The following RAB3GAP2 variants were observed in gnomAD, a reference collection of about 807,000 sequenced individuals.
RAB3GAP2 encodes the protein RAB3 GTPase activating non-catalytic protein subunit 2.
Under a neutral mutation model 185.3 loss-of-function variants are expected in RAB3GAP2, and 87 were observed. The observed-to-expected ratio is 0.47, with a 90% confidence interval of 0.39 to 0.56. The LOEUF is 0.56. RAB3GAP2 is among the 20% of genes least tolerant of loss of function. RAB3GAP2 has a pLI of 0.00. For missense variants in RAB3GAP2, 1,492 were observed against 1,638.2 expected, an observed-to-expected ratio of 0.91 and a Z score of 1.54; for synonymous variants, 554 against 576.1, an observed-to-expected ratio of 0.96 and a Z score of 0.55.
In RAB3GAP2 at chr1:220,149,544, C is replaced by G. The variant is rs569632612; in HGVS notation, c.*1707G>C. On this transcript the variant is annotated 3_prime_UTR_variant, in exon 35 of 35. Transcript: ENST00000358951. ...TGGAAAAATCACAGGAAGAACTAATCTCTTAGAAAACATATAACAAGTGAC... is the reference window on the plus strand; with the variant it reads ...TGGAAAAATCACAGGAAGAACTAATGTCTTAGAAAACATATAACAAGTGAC... 6.6e-6 allele frequency: 1 copy of G among 150,522 alleles called. No homozygotes were observed. Among genetic ancestry groups the G allele is most frequent in the South Asian group, 2.1e-4 (1 of 4,752 alleles). 9.3% of individuals were successfully genotyped at this position (150,522 alleles called of 1,614,324 possible).
chr1:220,151,092 G>T lies in RAB3GAP2; in HGVS notation c.*159C>A. The T allele has an allele frequency of 1.5e-6, 1 of 684,192 alleles. No individual in the cohort carries two copies. Among genetic ancestry groups the T allele is most frequent in the Non-Finnish European group, 2.4e-6 (1 of 416,146 alleles). 42.4% of individuals were successfully genotyped at this position (684,192 alleles called of 1,614,324 possible). A position where few individuals can be genotyped will look rare whatever the true frequency, so the allele number is the denominator to read the frequency against. On this transcript the variant is annotated 3_prime_UTR_variant, in exon 35 of 35. Coordinates refer to ENST00000358951, the MANE Select transcript of RAB3GAP2 (RefSeq NM_012414.4). ...AACCAAAGGAGTGGAATTTAGCCAG[G>T]GTTGCACTTTTTAAAAGTTGTATAT... is the stretch of plus-strand genomic sequence containing the variant.
chr1:220,175,332 C>T (rs1658266792), intron 21 of RAB3GAP2, among the ~76,000 whole-genome samples: 1 of 151,980 alleles, frequency 6.6e-6, no homozygotes, highest in African/African-American at 2.4e-5. Flanking sequence ...GTTCAAAGTG[C>T]CTCAGCCTCT....
chr1:220,212,247 A>G (rs529697624), intron 4 of RAB3GAP2, among the ~76,000 whole-genome samples: 1 of 152,224 alleles, frequency 6.6e-6, no homozygotes, highest in African/African-American at 2.4e-5. Flanking sequence ...CAGAGAAGAC[A>G]ATGATTGCCC....
At chr1:220,232,644 T>C (rs943254708) in intron 2 of RAB3GAP2, among the ~76,000 whole-genome samples, 155 bp downstream of exon 2, 1 of 152,230 alleles carries the variant, frequency 6.6e-6, no homozygotes, top group Non-Finnish European at 1.5e-5. Flanking sequence ...ATTAAGTTCC[T>C]TAAGAAGAGG....
At chr1:220,159,493 T>C in intron 28 of RAB3GAP2, 72 bp from the exon 29 acceptor site, 2 of 1,173,000 alleles carry the variant, frequency 1.7e-6, no homozygotes, top group South Asian at 1.4e-5. Context: ...GCACAAATAA[T>C]AAAAAGTAAC....
intron 19 of RAB3GAP2, among the ~76,000 whole-genome samples, chr1:220,183,546 C>T (rs1658453198): frequency 6.6e-6 from 1 of 151,962 alleles, no homozygotes; most frequent in Non-Finnish European, 1.5e-5. Context: ...AGCCACTATG[C>T]CTTGGCAAAT....
At chr1:220,248,131 A>C (rs1377770389) in intron 1 of RAB3GAP2, among the ~76,000 whole-genome samples, 1 of 152,158 alleles carries the variant, frequency 6.6e-6, no homozygotes, top group Non-Finnish European at 1.5e-5. Flanking sequence ...AAAGATGCAA[A>C]AAAAATGAAT....
At chr1:220,186,025 C>A (rs1384372000) in intron 17 of RAB3GAP2, among the ~76,000 whole-genome samples, 3 of 152,024 alleles carry the variant, frequency 2.0e-5, no homozygotes, top group Non-Finnish European at 4.4e-5. Context: ...AAAACAGAAA[C>A]AAAGATAAAG....
intron 31 of RAB3GAP2, among the ~76,000 whole-genome samples, chr1:220,156,593 G>A (rs149151072): frequency 5.5e-4 from 84 of 152,278 alleles, no homozygotes; most frequent in African/African-American, 2.0e-3. Context: ...CATGGGACTG[G>A]AGAGAGAGAA....
At chr1:220,176,906 C>CT (rs1281414079) in intron 21 of RAB3GAP2, among the ~76,000 whole-genome samples, 10 of 152,204 alleles carry the variant, frequency 6.6e-5, no homozygotes, top group African/African-American at 2.4e-4. Flanking sequence ...CAAGCCCCTC[C>CT]TGTTGCAGTT....
chr1:220,251,255 A>G (rs1228773896), intron 1 of RAB3GAP2, among the ~76,000 whole-genome samples: 1 of 152,198 alleles, frequency 6.6e-6, no homozygotes, highest in Non-Finnish European at 1.5e-5. Context: ...CAAATGTGAT[A>G]TTTAGATTAA....
chr1:220,216,814 T>C (rs1281033851), intron 2 of RAB3GAP2, among the ~76,000 whole-genome samples: 1 of 152,192 alleles, frequency 6.6e-6, no homozygotes, highest in African/African-American at 2.4e-5. Context: ...TACAAATAGA[T>C]TCCTTCCTCT....
At chr1:220,159,965 C>A (rs563865621) in intron 28 of RAB3GAP2, among the ~76,000 whole-genome samples, 14 of 151,820 alleles carry the variant, frequency 9.2e-5, no homozygotes, top group African/African-American at 3.4e-4. Context: ...TGCGGTGAGC[C>A]AAGATTGTGC....
chr1:220,226,372 ATTAC>A (rs941128898), intron 2 of RAB3GAP2, among the ~76,000 whole-genome samples: 1 of 151,958 alleles, frequency 6.6e-6, no homozygotes, highest in Non-Finnish European at 1.5e-5. Context: ...TTCTCCTCTA[ATTAC>A]TTCTTTCTCA....
chr1:220,236,563 G>A (rs1041663107), intron 1 of RAB3GAP2, among the ~76,000 whole-genome samples: 1 of 152,060 alleles, frequency 6.6e-6, no homozygotes, highest in African/African-American at 2.4e-5. Context: ...TATTTGCAAG[G>A]AGGTAGTGGA....
In RAB3GAP2 at chr1:220,171,002, AG is replaced by A. The variant is rs1426002755; in HGVS notation, c.2695del (p.Leu899PhefsTer33). 6.2e-7 allele frequency: 1 copy of A among 1,614,160 alleles called. No homozygotes were observed. The highest frequency in any genetic ancestry group is 1.6e-4 in the Middle Eastern group (1 of 6,062). ...LLKQLEDCLI[L>X]QTLLHSKGNT... ...CCCTTTGCTGTGAAGCAGAGTCTGA[AG>A]TATGAGACAATCCTCCAGCTGTTTC... is the stretch of plus-strand genomic sequence containing the variant. On this transcript the variant is annotated frameshift_variant, in exon 24 of 35. Transcript: ENST00000358951. LOFTEE classifies it high-confidence loss of function.
At chr1:220,264,397 G>GT (rs560700588) in intron 1 of RAB3GAP2, among the ~76,000 whole-genome samples, 19 of 151,732 alleles carry the variant, frequency 1.3e-4, no homozygotes, top group Non-Finnish European at 2.4e-4. Context: ...TAAAGGGGAG[G>GT]TTTTTTTTAC....
rs75136283 is a variant in RAB3GAP2, at chr1:220,266,170, A to G, written c.115+6053T>C. On this transcript the variant is annotated intron_variant, in intron 1 of 34. Coordinates refer to ENST00000358951, the MANE Select transcript of RAB3GAP2 (RefSeq NM_012414.4). ...AAATATAGAAGAGAGTGGTATCACT[A>G]TATCTCTAGCAGCTGTCCACAGTAA... 125 of 170,018 alleles carry G rather than the reference A, an allele frequency of 7.4e-4. 6 individuals carry two copies. In the East Asian group the frequency reaches 0.016, roughly 21 times the overall value. The allele number at this position is 170,018 out of a possible 1,614,324, so 10.5% of individuals were successfully genotyped here. A position where few individuals can be genotyped will look rare whatever the true frequency, so the allele number is the denominator to read the frequency against.
chr1:220,232,351 G>A (rs1659515890), intron 2 of RAB3GAP2, among the ~76,000 whole-genome samples: 1 of 152,166 alleles, frequency 6.6e-6, no homozygotes, highest in Non-Finnish European at 1.5e-5. Flanking sequence ...ACGTTAATGA[G>A]GGAGTAGGTT....
Sources: gnomAD v4.1 joint callset for allele counts (sites outside exome capture counted in the v4.1 genomes callset) on GRCh38, gnomAD v4.1.1 for gene constraint, MANE v1.5 for transcripts, NCBI Gene and HGNC (gene_info 2026-07-23, HGNC 2026-07-21) for gene names.